FOXN3: variants seen among roughly 807,000 people sequenced by gnomAD.
FOXN3 encodes the protein forkhead box protein N3.
A neutral mutation model predicts 38.4 loss-of-function variants in FOXN3; 7 were observed. The ratio of observed to expected loss-of-function variants is 0.18; its 90% CI spans 0.10 to 0.34. The LOEUF (loss-of-function observed/expected upper bound fraction) is 0.34, where lower values mean the gene tolerates loss of function less well. Ranked by LOEUF, FOXN3 falls within the 10% of genes least tolerant of loss-of-function variation. The pLI, the probability that FOXN3 is intolerant of heterozygous loss-of-function variation, is 1.00. For synonymous variants in FOXN3, 230 were observed against 242.2 expected (o/e 0.95, Z 0.47); for missense variants, 456 against 613.4 (o/e 0.74, Z 2.71).
At chr14:89,546,430 A>C (rs1172267606) in intron 1 of FOXN3, among the ~76,000 whole-genome samples, 1 of 136,236 alleles carries the variant, frequency 7.3e-6, no homozygotes. Flanking sequence ...CCCGGGTTCA[A>C]GTGATTCTCC....
chr14:89,370,511 G>A (rs1890287480), intron 2 of FOXN3, among the ~76,000 whole-genome samples: 1 of 152,238 alleles, frequency 6.6e-6, no homozygotes, highest in Non-Finnish European at 1.5e-5. Flanking sequence ...CCCAAAGAGT[G>A]GGAAACTCAT....
chr14:89,455,870 A>G (rs532653255), intron 1 of FOXN3, among the ~76,000 whole-genome samples: 1 of 152,294 alleles, frequency 6.6e-6, no homozygotes, highest in East Asian at 1.9e-4. Flanking sequence ...TCCTTAAAGG[A>G]TCCGAATCTC....
At chr14:89,612,825 T>TAA (rs1197955295) in intron 1 of FOXN3, among the ~76,000 whole-genome samples, 1 of 137,178 alleles carries the variant, frequency 7.3e-6, no homozygotes, top group African/African-American at 2.7e-5. Context: ...AGACCCTGCT[T>TAA]AAAAAAAAAA....
chr14:89,179,906 C>T (rs765268255), intron 5 of FOXN3, among the ~76,000 whole-genome samples: 3 of 152,148 alleles, frequency 2.0e-5, no homozygotes, highest in African/African-American at 4.8e-5. Context: ...ACATTTGGCT[C>T]GAGGAGAAGG....
In FOXN3 at chr14:89,360,183, G is replaced by A. The variant is rs1218161288; in HGVS notation, c.544-9375C>T. Reference sequence around the variant, plus strand: ...ACTGCACAAAATGCCCTCCCCTCCCGCCAAAACTGCCTCCTCCTCTGGACC... The same window carrying A: ...ACTGCACAAAATGCCCTCCCCTCCCACCAAAACTGCCTCCTCCTCTGGACC... On this transcript the variant is annotated intron_variant, in intron 2 of 5. Coordinates refer to ENST00000557258, the MANE Select transcript of FOXN3 (RefSeq NM_005197.4). Among the ~76,000 whole-genome samples the A allele has an allele frequency of 5.3e-5, 8 of 152,024 alleles. No individual in the cohort carries two copies. The South Asian group carries it at 1.2e-3, about 24-fold the overall frequency.
intron 1 of FOXN3, among the ~76,000 whole-genome samples, chr14:89,465,592 C>A (rs1029351832): frequency 7.2e-5 from 11 of 152,310 alleles, no homozygotes; most frequent in Admixed American, 4.6e-4. Flanking sequence ...GGGGGTCCCA[C>A]AAGGTTATGT....
In FOXN3 at chr14:89,617,369, G is replaced by A. The variant is rs150713295; in HGVS notation, c.-15+1659C>T. On this transcript the variant is annotated intron_variant, in intron 1 of 6. Coordinates refer to the FOXN3 transcript ENST00000345097. ...TTCCTCTTGGATGTGAAATGCATTCGCCTCAAAGCAGATGCCACAATCTCT... is the reference window on the plus strand; with the variant it reads ...TTCCTCTTGGATGTGAAATGCATTCACCTCAAAGCAGATGCCACAATCTCT... Among the ~76,000 whole-genome samples the A allele has an allele frequency of 4.6e-3, 705 of 152,196 alleles. 3 individuals are homozygous for A. The highest frequency in any genetic ancestry group is 5.7e-3 in the Non-Finnish European group (390 of 68,014).
At chr14:89,375,348 A>C (rs1890448385) in intron 2 of FOXN3, among the ~76,000 whole-genome samples, 1 of 152,344 alleles carries the variant, frequency 6.6e-6, no homozygotes, top group African/African-American at 2.4e-5. Context: ...TTTTTTAAGA[A>C]GTACACAAAA....
intron 1 of FOXN3, among the ~76,000 whole-genome samples, chr14:89,485,314 C>G (rs1893425505): frequency 6.6e-6 from 1 of 152,128 alleles, no homozygotes; most frequent in Non-Finnish European, 1.5e-5. Context: ...CCAGCCCTCC[C>G]CCTTGAGACC....
intron 1 of FOXN3, among the ~76,000 whole-genome samples, chr14:89,606,960 C>A (rs1048240440): frequency 5.3e-5 from 8 of 152,104 alleles, no homozygotes; most frequent in Non-Finnish European, 7.4e-5. Context: ...ACAGGCACTT[C>A]GTAAATGAAG....
intron 4 of FOXN3, among the ~76,000 whole-genome samples, chr14:89,188,261 G>A (rs1254330931): frequency 6.6e-6 from 1 of 152,188 alleles, no homozygotes; most frequent in Non-Finnish European, 1.5e-5. Flanking sequence ...TACAGTCTGA[G>A]TATTACAGAG....
intron 2 of FOXN3, among the ~76,000 whole-genome samples, chr14:89,407,596 C>T (rs1169798579): frequency 1.3e-5 from 2 of 152,060 alleles, no homozygotes; most frequent in Non-Finnish European, 2.9e-5. Flanking sequence ...CTGTGGGAGG[C>T]TGGGGCAGGA....
chr14:89,392,871 A>G (rs541258629), intron 2 of FOXN3, among the ~76,000 whole-genome samples: 9 of 148,958 alleles, frequency 6.0e-5, no homozygotes, highest in South Asian at 2.1e-4. Context: ...CAGCAGCATG[A>G]TATCAGTTCA....
chr14:89,220,808 CCT>C (rs1884439702), intron 4 of FOXN3, among the ~76,000 whole-genome samples: 1 of 152,058 alleles, frequency 6.6e-6, no homozygotes, highest in East Asian at 1.9e-4. Flanking sequence ...AGAAGAATGC[CCT>C]GAGAACCATC....
chr14:89,495,822 C>A (rs1365872634), intron 1 of FOXN3, among the ~76,000 whole-genome samples: 8 of 152,188 alleles, frequency 5.3e-5, no homozygotes, highest in Non-Finnish European at 1.0e-4. Flanking sequence ...ACAGAAGATA[C>A]ACTGAGGCTC....
At chr14:89,462,583 TG>T (rs1566664231) in intron 1 of FOXN3, among the ~76,000 whole-genome samples, 2 of 152,252 alleles carry the variant, frequency 1.3e-5, no homozygotes, top group East Asian at 3.9e-4. Context: ...TTCTTCCTGA[TG>T]GGGACTCTGT....
intron 1 of FOXN3, among the ~76,000 whole-genome samples, chr14:89,547,402 G>A (rs1431227825): frequency 2.0e-5 from 3 of 152,082 alleles, no homozygotes; most frequent in African/African-American, 7.2e-5. Flanking sequence ...CTACAGGCAC[G>A]TGCCACCATG....
intron 1 of FOXN3, among the ~76,000 whole-genome samples, chr14:89,609,531 C>T (rs1000438106): frequency 5.3e-5 from 8 of 152,172 alleles, no homozygotes; most frequent in African/African-American, 1.9e-4. Context: ...AAGTGCTTTT[C>T]AGGGACTCAT....
rs377212849 is a variant in FOXN3 at position 89,462,900 on chromosome 14, G to A, written c.-14-50410C>T. 6.5e-3 allele frequency among the ~76,000 whole-genome samples: 976 copies of A among 150,802 alleles called. 7 individuals carry two copies. The highest frequency in any genetic ancestry group is 0.021 in the African/African-American group (885 of 41,166). ...GGGGTTTCACCATGTTAGCCAGGAT[G>A]GTCTCGATCTCCTGATCTCATGATC... On this transcript the variant is annotated intron_variant, in intron 1 of 6. Transcript: ENST00000345097.
Sources: gnomAD v4.1 joint callset for allele counts (sites outside exome capture counted in the v4.1 genomes callset) on GRCh38, gnomAD v4.1.1 for gene constraint, MANE v1.5 for transcripts, NCBI Gene and HGNC (gene_info 2026-07-23, HGNC 2026-07-21) for gene names.